The following ADAMTS6 variants were observed in gnomAD, a reference collection of about 807,000 sequenced individuals.
The protein encoded by ADAMTS6 is A disintegrin and metalloproteinase with thrombospondin motifs 6.
In ADAMTS6, 23 loss-of-function variants were observed where a neutral mutation model predicts 144.3. The observed-to-expected ratio is 0.16, with a 90% CI of 0.11 to 0.23. The LOEUF is 0.23. Ranked by LOEUF, ADAMTS6 falls within the 10% of genes least tolerant of loss-of-function variation. ADAMTS6 has a pLI of 1.00. For synonymous variants in ADAMTS6, 444 were observed against 457.5 expected (o/e 0.97, Z 0.38); for missense variants, 999 against 1,379.6 (o/e 0.72, Z 4.37).
At chr5:65,324,024 TG>T (rs1745922926) in intron 9 of ADAMTS6, among the ~76,000 whole-genome samples, 1 of 152,222 alleles carries the variant, frequency 6.6e-6, no homozygotes, top group Admixed American at 6.5e-5. Context: ...ATTAGACCTT[TG>T]TCAGATGAGT....
chr5:65,441,759 T>C (rs933935943), intron 7 of ADAMTS6, among the ~76,000 whole-genome samples: 2 of 150,480 alleles, frequency 1.3e-5, no homozygotes, highest in Non-Finnish European at 3.0e-5. Context: ...AAATTAGAAA[T>C]TAACAACAAA....
At chr5:65,388,215 A>G (rs1752636025) in intron 7 of ADAMTS6, among the ~76,000 whole-genome samples, 1 of 152,156 alleles carries the variant, frequency 6.6e-6, no homozygotes, top group Non-Finnish European at 1.5e-5. Flanking sequence ...ACCCCCCCAA[A>G]AAAAAAGAAT....
At chr5:65,177,736 T>C (rs539965774) in intron 22 of ADAMTS6, among the ~76,000 whole-genome samples, 2 of 152,340 alleles carry the variant, frequency 1.3e-5, no homozygotes, top group East Asian at 3.9e-4. Context: ...TGCAAATGCC[T>C]GGTTGGAGTC....
At position 65,425,767 on chromosome 5, in the gene ADAMTS6, CT is replaced by C. The variant is rs1249283280; in HGVS notation, c.1073+25707del. 3.7e-3 allele frequency among the ~76,000 whole-genome samples: 537 copies of C among 143,746 alleles called. 1 individual carries two copies. The highest frequency in any genetic ancestry group is 9.0e-3 in the South Asian group (41 of 4,544). 94.3% of individuals were successfully genotyped at this position (143,746 alleles called of 152,430 possible). On this transcript the variant is annotated intron_variant, in intron 7 of 24. Transcript: ENST00000381055. ...TGCATGACTTCAAGTAGTGCTGCTT[CT>C]TTTTTTTTTTTTTGAGACGGAGTCT...
chr5:65,474,490 C>CTGTA (rs1760700341), intron 1 of ADAMTS6, among the ~76,000 whole-genome samples: 2 of 151,990 alleles, frequency 1.3e-5, no homozygotes, highest in South Asian at 4.1e-4. Flanking sequence ...AAAAGTTGAA[C>CTGTA]TGTATGTACT....
intron 18 of ADAMTS6, among the ~76,000 whole-genome samples, chr5:65,215,802 G>C (rs570802047): frequency 7.9e-5 from 12 of 152,276 alleles, no homozygotes; most frequent in Non-Finnish European, 1.8e-4. Context: ...GTGGGGAGCA[G>C]GCTTTCCTTT....
chr5:65,169,279 G>T (rs1753439830), intron 24 of ADAMTS6, among the ~76,000 whole-genome samples: 1 of 89,522 alleles, frequency 1.1e-5, no homozygotes, highest in Non-Finnish European at 2.3e-5. Context: ...CAAAACACAT[G>T]AAAAAATGCT....
chr5:65,336,891 TA>T (rs1016951078), intron 7 of ADAMTS6, among the ~76,000 whole-genome samples: 9 of 151,622 alleles, frequency 5.9e-5, no homozygotes, highest in Admixed American at 1.3e-4. Context: ...GACAAGGTAA[TA>T]AAAAAAAATT....
At chr5:65,238,076 A>ACT (rs1185098840) in intron 15 of ADAMTS6, among the ~76,000 whole-genome samples, 10 of 150,932 alleles carry the variant, frequency 6.6e-5, no homozygotes, top group African/African-American at 2.4e-4. Context: ...ACAGAGCAAG[A>ACT]CTCTCTCTCA....
chr5:65,265,547 C>A (rs1399325437), intron 12 of ADAMTS6, among the ~76,000 whole-genome samples: 1 of 151,720 alleles, frequency 6.6e-6, no homozygotes, highest in South Asian at 2.1e-4. Flanking sequence ...AATAACTGAG[C>A]AGTATAGTCC....
intron 7 of ADAMTS6, among the ~76,000 whole-genome samples, chr5:65,433,179 A>G (rs1757124197): frequency 6.6e-6 from 1 of 152,176 alleles, no homozygotes; most frequent in Non-Finnish European, 1.5e-5. Flanking sequence ...ACGCTTCTCC[A>G]TGAAAAATTG....
At chr5:65,204,096 A>G (rs1755920932) in intron 20 of ADAMTS6, among the ~76,000 whole-genome samples, 1 of 152,234 alleles carries the variant, frequency 6.6e-6, no homozygotes, top group African/African-American at 2.4e-5. Flanking sequence ...TCTTGCCTTC[A>G]GTTATAAATC....
intron 7 of ADAMTS6, among the ~76,000 whole-genome samples, chr5:65,358,914 C>T (rs74762976): frequency 6.6e-6 from 1 of 151,868 alleles, no homozygotes; most frequent in Non-Finnish European, 1.5e-5. Flanking sequence ...ACCTGCAACC[C>T]TAAAACTACT....
At chr5:65,226,863 G>A (rs1297890204) in intron 15 of ADAMTS6, among the ~76,000 whole-genome samples, 2 of 152,080 alleles carry the variant, frequency 1.3e-5, no homozygotes, top group African/African-American at 2.4e-5. Flanking sequence ...GATTACAGGC[G>A]TGAGCCACCG....
chr5:65,277,463 C>G (rs909757190), intron 11 of ADAMTS6, among the ~76,000 whole-genome samples: 1 of 152,076 alleles, frequency 6.6e-6, no homozygotes, highest in Non-Finnish European at 1.5e-5. Context: ...GTTTTGAGGT[C>G]TCACTGCAAC....
At chr5:65,352,845 A>C (rs1016037557) in intron 7 of ADAMTS6, among the ~76,000 whole-genome samples, 10 of 152,060 alleles carry the variant, frequency 6.6e-5, no homozygotes, top group African/African-American at 2.4e-4. Context: ...ATAATGATAT[A>C]TATATTTACC....
In ADAMTS6 at chr5:65,229,859, G is replaced by C. The variant is rs142252432; in HGVS notation, c.1934-3640C>G. ...AGGCTTATTTAAAGAAATAATGGCT[G>C]AAAAATTCCCAAATCTAGAGAGCAA... On this transcript the variant is annotated intron_variant, in intron 15 of 24. Coordinates refer to ENST00000381055, the MANE Select transcript of ADAMTS6 (RefSeq NM_197941.4). Among the ~76,000 whole-genome samples, 417 of 152,172 alleles carry C rather than the reference G, an allele frequency of 2.7e-3. 2 individuals carry two copies. The highest frequency in any genetic ancestry group is 9.7e-3 in the African/African-American group (401 of 41,548).
At chr5:65,442,032 C>A (rs778558196) in intron 7 of ADAMTS6, among the ~76,000 whole-genome samples, 2 of 142,120 alleles carry the variant, frequency 1.4e-5, no homozygotes, top group African/African-American at 5.2e-5. Flanking sequence ...GAACCACAAA[C>A]AAAATAAGCC....
Position 65,149,124 on chromosome 5 carries a change from GT to G in ADAMTS6, c.*2711del, listed in dbSNP as rs1752000571. 1.3e-5 allele frequency: 2 copies of G among 152,534 alleles called. No individual in the cohort carries two copies. Among genetic ancestry groups the G allele is most frequent in the African/African-American group, 4.8e-5 (2 of 41,438 alleles). The allele number at this position is 152,534 out of a possible 1,614,324, so 9.4% of individuals were successfully genotyped here. ...GTTTAATCATTAGGGTACATTTACC[GT>G]TCCTTTTTTAGTAGGACTTTATCCC... On this transcript the variant is annotated 3_prime_UTR_variant, in exon 25 of 25. Coordinates refer to ENST00000381055, the MANE Select transcript of ADAMTS6 (RefSeq NM_197941.4).
Sources: allele counts gnomAD v4.1 joint callset (sites outside exome capture counted in the v4.1 genomes callset), GRCh38; gene constraint gnomAD v4.1.1; transcripts MANE v1.5; gene names NCBI Gene and HGNC (gene_info 2026-07-23, HGNC 2026-07-21).